CDYL2: variants seen among roughly 807,000 people sequenced by gnomAD.
The protein encoded by CDYL2 is chromodomain Y-like protein 2.
Under a neutral mutation model 49.4 loss-of-function variants are expected in CDYL2, and 23 were observed. That is an observed-to-expected ratio of 0.47 (90% CI 0.34 to 0.66). The LOEUF (loss-of-function observed/expected upper bound fraction) is 0.66. Ranked by LOEUF, CDYL2 falls within the 30% of genes least tolerant of loss-of-function variation. The probability of loss-of-function intolerance (pLI) is 0.01; values close to 1 mark genes in which losing one functional copy is unlikely to be tolerated. For synonymous variants in CDYL2, 360 were observed against 268.8 expected (o/e 1.34, Z -3.32); for missense variants, 678 against 656.4 (o/e 1.03, Z -0.36).
In CDYL2 at chr16:80,608,127, G is replaced by A; in HGVS notation, c.1327C>T (p.Leu443=). The A allele has an allele frequency of 1.2e-6, 2 of 1,603,792 alleles. No homozygotes were observed. The highest frequency in any genetic ancestry group is 2.3e-5 in the South Asian group (2 of 88,538). Residue 443 remains leucine (L), a synonymous_variant, in exon 6 of 7, where the codon CTG becomes TTG. Transcript: ENST00000570137. ...CAGGATGCCATCTCCTTGACCCGCAGCATGACCTCCTGGCTGAACGTGGTG... is the reference window on the plus strand; with the variant it reads ...CAGGATGCCATCTCCTTGACCCGCAACATGACCTCCTGGCTGAACGTGGTG... ...WPTTFSQEVM[L]RVKEMASCSA... is the part of the protein sequence containing the mutation.
intron 1 of CDYL2, among the ~76,000 whole-genome samples, chr16:80,690,760 G>C (rs1910384545): frequency 6.6e-6 from 1 of 152,086 alleles, no homozygotes; most frequent in Non-Finnish European, 1.5e-5. Flanking sequence ...CTTCGGATTA[G>C]CCTCCTGCGC....
At chr16:80,657,177 A>G (rs1908848819) in intron 2 of CDYL2, among the ~76,000 whole-genome samples, 4 of 152,264 alleles carry the variant, frequency 2.6e-5, no homozygotes, top group Admixed American at 2.6e-4. Context: ...TACTCCAAAT[A>G]AAATTAAATT....
At chr16:80,654,189 T>C (rs968363766) in intron 2 of CDYL2, among the ~76,000 whole-genome samples, 2 of 151,788 alleles carry the variant, frequency 1.3e-5, no homozygotes, top group Non-Finnish European at 2.9e-5. Flanking sequence ...CCGGGCTGGG[T>C]TGGGAAAAAG....
intron 1 of CDYL2, among the ~76,000 whole-genome samples, chr16:80,748,506 TAAAAAAAAAAAAAA>T (rs538432449): frequency 0.056 from 1,085 of 19,204 alleles, 37 homozygotes; most frequent in African/African-American, 0.16. Flanking sequence ...AAAACTCCAT[TAAAAAAAAAAAAAA>T]AAAAAAAAAA....
intron 3 of CDYL2, among the ~76,000 whole-genome samples, chr16:80,624,743 G>A (rs1426982588): frequency 6.6e-6 from 1 of 152,092 alleles, no homozygotes; most frequent in Non-Finnish European, 1.5e-5. Flanking sequence ...GGAAAGAACA[G>A]GAGAATATGG....
intron 1 of CDYL2, among the ~76,000 whole-genome samples, chr16:80,744,003 T>G (rs935409080): frequency 3.9e-5 from 6 of 152,082 alleles, no homozygotes; most frequent in African/African-American, 1.4e-4. Context: ...CTGGAGTGAG[T>G]CATATAGACA....
At chr16:80,676,483 C>T (rs959057440) in intron 2 of CDYL2, among the ~76,000 whole-genome samples, 3 of 152,146 alleles carry the variant, frequency 2.0e-5, no homozygotes, top group African/African-American at 7.2e-5. Context: ...CTGCCGATGA[C>T]AGTCAGAGCC....
intron 1 of CDYL2, among the ~76,000 whole-genome samples, chr16:80,791,764 G>A (rs775816323): frequency 6.6e-6 from 1 of 152,068 alleles, no homozygotes; most frequent in African/African-American, 2.4e-5. Context: ...AATAGGAGGA[G>A]GTGAGAAGGA....
At chr16:80,676,619 C>T (rs993937959) in intron 2 of CDYL2, among the ~76,000 whole-genome samples, 2 of 152,096 alleles carry the variant, frequency 1.3e-5, no homozygotes, top group African/African-American at 2.4e-5. Context: ...CTGAAACAGT[C>T]GTAGTTTTGA....
chr16:80,692,600 G>A (rs1182686251), intron 1 of CDYL2, among the ~76,000 whole-genome samples: 2 of 152,174 alleles, frequency 1.3e-5, no homozygotes, highest in Non-Finnish European at 2.9e-5. Flanking sequence ...TGGAGTTGAG[G>A]CTTAAGTAAT....
intron 1 of CDYL2, among the ~76,000 whole-genome samples, chr16:80,727,940 C>T (rs1905218105): frequency 6.6e-6 from 1 of 152,148 alleles, no homozygotes; most frequent in Non-Finnish European, 1.5e-5. Context: ...ATACCAAAAA[C>T]CCATCTGTAC....
chr16:80,710,758 T>C (rs1436170155), intron 1 of CDYL2, among the ~76,000 whole-genome samples: 3 of 152,050 alleles, frequency 2.0e-5, no homozygotes, highest in East Asian at 3.9e-4. Context: ...CACACACACA[T>C]ACACACAGAG....
intron 2 of CDYL2, among the ~76,000 whole-genome samples, chr16:80,657,343 C>T (rs1474778804): frequency 1.3e-5 from 2 of 152,126 alleles, no homozygotes; most frequent in African/African-American, 2.4e-5. Flanking sequence ...ACTAATTAAA[C>T]AGCAAATGAC....
chr16:80,642,016 C>G (rs1348788001), intron 2 of CDYL2, among the ~76,000 whole-genome samples: 1 of 151,878 alleles, frequency 6.6e-6, no homozygotes, highest in Non-Finnish European at 1.5e-5. Context: ...ATGTAAACTA[C>G]TCTTATTAAA....
intron 1 of CDYL2, chr16:80,742,143 C>G (rs2142552681): frequency 6.6e-6 from 1 of 152,346 alleles, no homozygotes; most frequent in East Asian, 1.9e-4. Flanking sequence ...TCCAAGGTCA[C>G]ACAATACGAG....
At chr16:80,705,970 G>A (rs1224289114) in intron 1 of CDYL2, among the ~76,000 whole-genome samples, 5 of 152,190 alleles carry the variant, frequency 3.3e-5, no homozygotes, top group African/African-American at 1.2e-4. Flanking sequence ...CATATATTGA[G>A]CATCTACCGT....
chr16:80,637,521 C>T (rs1021693593), intron 2 of CDYL2, among the ~76,000 whole-genome samples: 29 of 151,568 alleles, frequency 1.9e-4, no homozygotes, highest in Admixed American at 1.4e-3. Flanking sequence ...ACTGGATTAA[C>T]GAAAAAAGAA....
chr16:80,605,194 C>T (rs1301147329), intron 6 of CDYL2, among the ~76,000 whole-genome samples: 1 of 151,666 alleles, frequency 6.6e-6, no homozygotes, highest in Non-Finnish European at 1.5e-5. Context: ...CTGCTGTCCA[C>T]AGCTATGATA....
chr16:80,619,194 C>T (rs1426061206), intron 4 of CDYL2, among the ~76,000 whole-genome samples: 1 of 152,188 alleles, frequency 6.6e-6, no homozygotes, highest in Non-Finnish European at 1.5e-5. Context: ...GTTCTCTCTG[C>T]GTCTGGAGCC....
Sources: gnomAD v4.1 joint callset for allele counts (sites outside exome capture counted in the v4.1 genomes callset) on GRCh38, gnomAD v4.1.1 for gene constraint, MANE v1.5 for transcripts, NCBI Gene and HGNC (gene_info 2026-07-23, HGNC 2026-07-21) for gene names.